CRB1: variants seen among roughly 807,000 people sequenced by gnomAD.
CRB1 encodes the protein protein crumbs homolog 1.
CRB1 carries 83 observed loss-of-function variants against 120.0 expected under a neutral mutation model. The ratio of observed to expected loss-of-function variants is 0.69; its 90% CI spans 0.58 to 0.83. The LOEUF (loss-of-function observed/expected upper bound fraction) is 0.83, where lower values mean the gene tolerates loss of function less well. Among genes scored for constraint, CRB1 ranks in the 40% least tolerant of loss-of-function variants. CRB1 has a pLI of 0.00. For synonymous variants in CRB1, 625 were observed against 612.5 expected, an observed-to-expected ratio of 1.02 and a Z score of -0.30; for missense variants, 1,699 against 1,687.6, an observed-to-expected ratio of 1.01 and a Z score of -0.12.
chr1:197,298,420 T>G (rs1212149387), intron 1 of CRB1, among the ~76,000 whole-genome samples: 1 of 152,022 alleles, frequency 6.6e-6, no homozygotes, highest in East Asian at 1.9e-4. Flanking sequence ...TTGCAGACGA[T>G]GAAAAAGTGG....
chr1:197,274,541 TAA>T (rs1468307865), intron 1 of CRB1, among the ~76,000 whole-genome samples: 4 of 152,194 alleles, frequency 2.6e-5, no homozygotes, highest in Non-Finnish European at 5.9e-5. Flanking sequence ...AATGCACCAT[TAA>T]AGTATTATGC....
chr1:197,395,441 A>C (rs1398512608), intron 5 of CRB1, among the ~76,000 whole-genome samples: 1 of 152,164 alleles, frequency 6.6e-6, no homozygotes, highest in African/African-American at 2.4e-5. Flanking sequence ...AGAAGATTGC[A>C]TGATATGCAC....
intron 1 of CRB1, among the ~76,000 whole-genome samples, chr1:197,328,017 G>A (rs1658618943): frequency 6.6e-6 from 1 of 152,206 alleles, no homozygotes; most frequent in South Asian, 2.1e-4. Flanking sequence ...CAATTTTGCA[G>A]CCTATATAAT....
chr1:197,299,770 G>A (rs1161322267), intron 1 of CRB1, among the ~76,000 whole-genome samples: 1 of 150,410 alleles, frequency 6.6e-6, no homozygotes, highest in Non-Finnish European at 1.5e-5. Flanking sequence ...ACCATGATGT[G>A]CTATACAGAC....
rs571437813 is a variant in CRB1, at chr1:197,430,032, T to A, written c.2842+418T>A. Among the ~76,000 whole-genome samples, 4 of 152,308 alleles carry A rather than the reference T, an allele frequency of 2.6e-5. No individual in the cohort carries two copies. In the East Asian group the frequency reaches 5.8e-4, roughly 22 times the overall value. The stretch of plus-strand genomic sequence containing the variant: ...CACCTGTAAAATAGGGAGAACACTT[T>A]CTACTTCTTCGGTTTCTTTGTGATG... On this transcript the variant is annotated intron_variant, in intron 8 of 11. Coordinates refer to ENST00000367400, the MANE Select transcript of CRB1 (RefSeq NM_201253.3).
At chr1:197,341,703 C>G (rs1659470007) in intron 2 of CRB1, among the ~76,000 whole-genome samples, 1 of 151,720 alleles carries the variant, frequency 6.6e-6, no homozygotes, top group Admixed American at 6.6e-5. Context: ...AATAGATAAA[C>G]CAAACATTTT....
At chr1:197,229,080 G>GGC in the CRB1 span, among the ~76,000 whole-genome samples, 2 of 152,106 alleles carry the variant, frequency 1.3e-5, no homozygotes, top group African/African-American at 4.8e-5. Flanking sequence ...GAGACACAGA[G>GGC]GCAAACCGTA....
chr1:197,313,330 T>C (rs1183521757), intron 1 of CRB1, among the ~76,000 whole-genome samples: 1 of 152,186 alleles, frequency 6.6e-6, no homozygotes, highest in Admixed American at 6.5e-5. Context: ...AGCCAAACCA[T>C]ACTGTTGTAC....
At chr1:197,204,302 A>G in the CRB1 span, among the ~76,000 whole-genome samples, 3 of 152,212 alleles carry the variant, frequency 2.0e-5, no homozygotes, top group Non-Finnish European at 4.4e-5. Flanking sequence ...CTCTGGGTAG[A>G]TCCCCAGGAG....
At position 197,429,466 on chromosome 1, in the gene CRB1, T is replaced by G. The variant is rs2125488757; in HGVS notation, c.2694T>G (p.Asn898Lys). ...CTGCTCAGTCCAACCCCTGTCACAA[T>G]GGAGGTGTTTGCCATTCCCGGTGGG... ...DNSCKSNPCHNGGVCHSRWDD... is the reference protein window; with the variant it reads ...DNSCKSNPCHKGGVCHSRWDD... Residue 898 changes from asparagine (N) to lysine (K), a missense_variant, in exon 8 of 12, where the codon AAT becomes AAG. Asn to Lys is a moderately conservative substitution (Grantham distance 94). Coordinates refer to ENST00000367400, the MANE Select transcript of CRB1 (RefSeq NM_201253.3). 6.2e-7 allele frequency: 1 copy of G among 1,614,082 alleles called. No individual in the cohort carries two copies. Among genetic ancestry groups the G allele is most frequent in the Non-Finnish European group, 8.5e-7 (1 of 1,179,952 alleles).
intron 1 of CRB1, among the ~76,000 whole-genome samples, chr1:197,274,443 G>A (rs1655083506): frequency 6.6e-6 from 1 of 152,124 alleles, no homozygotes; most frequent in Admixed American, 6.6e-5. Flanking sequence ...ATTACTTCAT[G>A]GGATTTCTTT....
In CRB1 at chr1:197,328,567, C is replaced by G. The variant is rs972854308; in HGVS notation, c.216C>G (p.Asp72Glu). 3 of 1,614,178 alleles carry G rather than the reference C, an allele frequency of 1.9e-6. No individual in the cohort carries two copies. The highest frequency in any genetic ancestry group is 2.5e-6 in the Non-Finnish European group (3 of 1,180,024). Residue 72 changes from aspartate to glutamate, a missense_variant, in exon 2 of 12, where the codon GAC (aspartate) becomes GAG (glutamate). Transcript: ENST00000367400. Reference sequence around the variant, plus strand: ...ACAAAGACTGTGACAACATGAAAGACCCTTGCTTCTCCAATCCCTGTCAAG... The same window carrying G: ...ACAAAGACTGTGACAACATGAAAGAGCCTTGCTTCTCCAATCCCTGTCAAG... ...NLDKDCDNMK[D>E]PCFSNPCQGS...
At chr1:197,223,083 C>A in the CRB1 span, 2 of 794,202 alleles carry the variant, frequency 2.5e-6, no homozygotes, top group Non-Finnish European at 4.6e-6. Flanking sequence ...CCAGCAAGTC[C>A]CTATAACCTT....
chr1:197,432,696 A>G (rs769797756), intron 8 of CRB1, among the ~76,000 whole-genome samples: 2 of 152,198 alleles, frequency 1.3e-5, no homozygotes, highest in African/African-American at 2.4e-5. Flanking sequence ...TGAAGGAACA[A>G]GTAAACAAAT....
At chr1:197,385,735 T>C (rs1264215295) in intron 5 of CRB1, among the ~76,000 whole-genome samples, 1 of 152,088 alleles carries the variant, frequency 6.6e-6, no homozygotes. Flanking sequence ...TTGGCAGGTA[T>C]ACTGAACGCC....
intron 5 of CRB1, among the ~76,000 whole-genome samples, chr1:197,389,558 G>A (rs966552362): frequency 1.3e-5 from 2 of 152,194 alleles, no homozygotes; most frequent in African/African-American, 4.8e-5. Flanking sequence ...AGAATTTGGT[G>A]CTTAATGAGT....
chr1:197,438,492 T>C, intron 9 of CRB1, 55 bp from the exon 10 acceptor site: 6 of 1,605,602 alleles, frequency 3.7e-6, no homozygotes, highest in Non-Finnish European at 4.3e-6. Flanking sequence ...AGAAAACTTT[T>C]CTTGAATGAG....
the CRB1 span, among the ~76,000 whole-genome samples, chr1:197,219,211 C>T: frequency 2.0e-5 from 3 of 152,200 alleles, no homozygotes; most frequent in African/African-American, 4.8e-5. Flanking sequence ...AAATCTGACT[C>T]ATAATTTTAT....
chr1:197,234,660 C>T, the CRB1 span, among the ~76,000 whole-genome samples: 5 of 152,238 alleles, frequency 3.3e-5, no homozygotes, highest in African/African-American at 1.2e-4. Flanking sequence ...CGGTCAGCCT[C>T]TGGCATCAGC....
Sources: gnomAD v4.1 joint callset for allele counts (sites outside exome capture counted in the v4.1 genomes callset) on GRCh38, gnomAD v4.1.1 for gene constraint, MANE v1.5 for transcripts, NCBI Gene and HGNC (gene_info 2026-07-23, HGNC 2026-07-21) for gene names.